The following ZNF577 variants were observed in gnomAD, a reference collection of about 807,000 sequenced individuals.
ZNF577 encodes the protein zinc finger protein 577.
In ZNF577, 14 loss-of-function variants were observed where a neutral mutation model predicts 13.9. The ratio of observed to expected loss-of-function variants is 1.00; its 90% confidence interval spans 0.66 to 1.57. The LOEUF (loss-of-function observed/expected upper bound fraction) is 1.57. Among genes scored for constraint, ZNF577 ranks in the 40% most tolerant of loss-of-function variants. ZNF577 has a pLI of 0.00. For synonymous variants in ZNF577, 203 were observed against 202.9 expected (o/e 1.00, Z 0.00); for missense variants, 555 against 579.2 (o/e 0.96, Z 0.43).
chr19:51,827,120 C>T (rs560010625), intron 9 of ZNF577, among the ~76,000 whole-genome samples: 4 of 152,248 alleles, frequency 2.6e-5, no homozygotes, highest in African/African-American at 9.6e-5. Flanking sequence ...CTTGAATAAT[C>T]CTAATCTTAG....
At chr19:51,811,403 T>G (rs2084095497) in intron 10 of ZNF577, 1 of 152,214 alleles carries the variant, frequency 6.6e-6, no homozygotes, top group South Asian at 2.1e-4. Context: ...CATGTTACCG[T>G]GATTCAGAAA....
rs756132271 is a variant in ZNF577 at position 51,823,707 on chromosome 19, G to C, written c.*600-12033C>G. 3 of 1,487,070 alleles carry C rather than the reference G, an allele frequency of 2.0e-6. No individual in the cohort carries two copies. The Admixed American group carries it at 6.3e-5, about 31-fold the overall frequency. 92.1% of individuals were successfully genotyped at this position (1,487,070 alleles called of 1,614,324 possible). ...AGTTGTATTGTAAGATGGTGTCACA[G>C]CTGAGAAATGGCCATTGCTGAAATG... On this transcript the variant is annotated intron_variant and NMD_transcript_variant, in intron 9 of 10. Transcript: ENST00000638827.
At position 51,824,883 on chromosome 19, in the gene ZNF577, T is replaced by TGGTGAAAG; in HGVS notation, c.*600-13210_*600-13209insCTTTCACC. On this transcript the variant is annotated intron_variant and NMD_transcript_variant, in intron 9 of 10. Coordinates refer to the ZNF577 transcript ENST00000638827. This position sits in a 1 kb window ranked among gnomAD's most constrained non-coding sequence, Gnocchi z 4.7. ...GGAAAAAAAAAATTCTGACAGTGTT[T>TGGTGAAAG]TTCTTCCTCTTTCATACCACCACCA... 1.8e-6 allele frequency: 2 copies of TGGTGAAAG among 1,135,342 alleles called. No homozygotes were observed. Among genetic ancestry groups the TGGTGAAAG allele is most frequent in the Non-Finnish European group, 2.5e-6 (2 of 805,418 alleles). The allele number at this position is 1,135,342 out of a possible 1,614,324, so 70.3% of individuals were successfully genotyped here. A position where few individuals can be genotyped will look rare whatever the true frequency, so the allele number is the denominator to read the frequency against.
downstream of ZNF577, among the ~76,000 whole-genome samples, chr19:51,865,289 G>A (rs2084549710): frequency 6.6e-6 from 1 of 152,116 alleles, no homozygotes; most frequent in Non-Finnish European, 1.5e-5. Flanking sequence ...TAGAGACAGG[G>A]TTTCGCCATG....
chr19:51,865,827 A>G (rs181841349), downstream of ZNF577, among the ~76,000 whole-genome samples: 15 of 152,250 alleles, frequency 9.9e-5, no homozygotes, highest in Middle Eastern at 3.4e-3. Context: ...TTGAAATTAA[A>G]TATCACTGGC....
intron 5 of ZNF577, among the ~76,000 whole-genome samples, chr19:51,852,516 G>A (rs1014678643): frequency 2.0e-5 from 3 of 152,194 alleles, no homozygotes; most frequent in Non-Finnish European, 4.4e-5. Context: ...CCATTTTGGA[G>A]GAATTTTGAG....
At chr19:51,832,085 C>A (rs1245517601) in intron 9 of ZNF577, among the ~76,000 whole-genome samples, 2 of 152,166 alleles carry the variant, frequency 1.3e-5, no homozygotes, top group East Asian at 3.9e-4. Context: ...AAAATCACCT[C>A]CCTTCTCTCA....
At chr19:51,854,125 T>C (rs2084394918) in intron 5 of ZNF577, among the ~76,000 whole-genome samples, 1 of 152,200 alleles carries the variant, frequency 6.6e-6, no homozygotes, top group Non-Finnish European at 1.5e-5. Flanking sequence ...CTGGATTGTA[T>C]GTAATTGATT....
chr19:51,861,090 A>T, intron 5 of ZNF577: 1 of 346,440 alleles, frequency 2.9e-6, no homozygotes. Context: ...TTTGACAATC[A>T]CTGCACTCAT....
chr19:51,859,536 T>A (rs2084474903), intron 5 of ZNF577, among the ~76,000 whole-genome samples: 1 of 152,182 alleles, frequency 6.6e-6, no homozygotes, highest in African/African-American at 2.4e-5. Context: ...ATTACTCTAA[T>A]GTGTTGCTGG....
chr19:51,847,758 G>T (rs981047728), intron 5 of ZNF577, among the ~76,000 whole-genome samples: 3 of 152,138 alleles, frequency 2.0e-5, no homozygotes, highest in African/African-American at 7.2e-5. Flanking sequence ...TTCCCACAGC[G>T]CTGCGGGATT....
intron 1 of ZNF577, chr19:51,886,089 C>G (rs181888150): frequency 6.6e-6 from 1 of 152,134 alleles, no homozygotes; most frequent in East Asian, 1.9e-4. Flanking sequence ...CCAAGCACAT[C>G]TATGATGTTT....
chr19:51,805,043 G>A (rs954095351), exon 11 of ZNF577: 16 of 152,102 alleles, frequency 1.1e-4, no homozygotes, highest in African/African-American at 1.7e-4. Context: ...ACCTTCTGGC[G>A]GCAGGCACAG....
At chr19:51,835,249 T>A (rs779803489) in intron 9 of ZNF577, among the ~76,000 whole-genome samples, 13 of 152,050 alleles carry the variant, frequency 8.5e-5, no homozygotes, top group Non-Finnish European at 1.5e-4. Context: ...CTAAACACAC[T>A]AAAATGATAT....
downstream of ZNF577, among the ~76,000 whole-genome samples, chr19:51,866,573 G>C (rs1568445033): frequency 6.6e-6 from 1 of 152,140 alleles, no homozygotes; most frequent in Non-Finnish European, 1.5e-5. Flanking sequence ...AGCCAATCCA[G>C]ACTTCTGACC....
At chr19:51,815,320 C>T (rs2084127328) in intron 9 of ZNF577, among the ~76,000 whole-genome samples, 2 of 151,962 alleles carry the variant, frequency 1.3e-5, no homozygotes, top group South Asian at 2.1e-4. Flanking sequence ...CCAGCACTCT[C>T]GAAGGCCGAG....
chr19:51,881,406 A>G (rs558684910), intron 1 of ZNF577, among the ~76,000 whole-genome samples: 18 of 152,314 alleles, frequency 1.2e-4, no homozygotes, highest in Admixed American at 4.6e-4. Flanking sequence ...GGTTTATTGC[A>G]CTGTCTTACT....
rs753754519 is a variant in ZNF577, at chr19:51,872,614, C to G, written c.1376G>C (p.Arg459Thr). The change falls in exon 6 of 6, where the codon AGA becomes ACA. Residue 459 changes from arginine (R) to threonine (T), a missense_variant. Arg to Thr is a moderately conservative substitution (Grantham distance 71, BLOSUM62 -1). Coordinates refer to ENST00000638348, the MANE Select transcript of ZNF577 (RefSeq NM_001370449.1). ...ATTCACTTCATTTGTGAGGCTTATT[C>G]TCTGTTCAAATTCCTGATTAACTAC... ...AFVVNQEFEQRISLTNEVNVA... is the reference protein window; with the variant it reads ...AFVVNQEFEQTISLTNEVNVA... The G allele has an allele frequency of 4.3e-6, 7 of 1,613,900 alleles. No individual in the cohort carries two copies. Among genetic ancestry groups the G allele is most frequent in the East Asian group, 4.5e-5 (2 of 44,894 alleles).
downstream of ZNF577, among the ~76,000 whole-genome samples, chr19:51,866,040 G>A (rs557776105): frequency 2.6e-5 from 4 of 152,008 alleles, no homozygotes; most frequent in South Asian, 6.3e-4. Context: ...GCTTGAACTC[G>A]GGAGGCAGAG....
Sources: gnomAD v4.1 joint callset for allele counts (sites outside exome capture counted in the v4.1 genomes callset) on GRCh38, gnomAD v4.1.1 for gene constraint, Gnocchi (gnomAD v3.1) non-coding constraint, MANE v1.5 for transcripts, NCBI Gene and HGNC (gene_info 2026-07-23, HGNC 2026-07-21) for gene names.